Variants in CPAMD8 observed in about 807,000 individuals in gnomAD.
CPAMD8 encodes the protein C3 and PZP like alpha-2-macroglobulin domain containing 8, also known as C3 and PZP-like alpha-2-macroglobulin domain-containing protein 8.
In CPAMD8, 146 loss-of-function variants were observed where a neutral mutation model predicts 224.7. The ratio of observed to expected loss-of-function variants is 0.65; its 90% CI spans 0.57 to 0.75. The LOEUF is 0.75. Ranked by LOEUF, CPAMD8 falls within the 30% of genes least tolerant of loss-of-function variation. The pLI is 0.00. For synonymous variants in CPAMD8, 966 were observed against 1,044.6 expected, an observed-to-expected ratio of 0.92 and a Z score of 1.45; for missense variants, 2,301 against 2,537.5, an observed-to-expected ratio of 0.91 and a Z score of 2.00.
At chr19:16,965,689 C>T (rs1272170641) in intron 18 of CPAMD8, among the ~76,000 whole-genome samples, 1 of 152,080 alleles carries the variant, frequency 6.6e-6, no homozygotes, top group African/African-American at 2.4e-5. Flanking sequence ...AAATCCTATA[C>T]ACCAATTAAC....
intron 20 of CPAMD8, among the ~76,000 whole-genome samples, chr19:16,947,456 C>T (rs574091211): frequency 1.3e-5 from 2 of 152,196 alleles, no homozygotes; most frequent in African/African-American, 4.8e-5. Context: ...TGCTGTGAGA[C>T]CTCTCCTCCC....
Position 16,945,455 on chromosome 19 carries a change from C to T in CPAMD8, c.2793+94G>A, listed in dbSNP as rs1183529509. The T allele has an allele frequency of 9.9e-6, 15 of 1,513,132 alleles. No individual in the cohort carries two copies. In the East Asian group the frequency reaches 3.2e-4, roughly 33 times the overall value. The allele number at this position is 1,513,132 out of a possible 1,614,324, so 93.7% of individuals were successfully genotyped here. The stretch of plus-strand genomic sequence containing the variant: ...CCCGTGAAGGCTGCCCAGGCCCTGG[C>T]TCAGCCTCAGACCACACACTCCAGC... On this transcript the variant is annotated intron_variant, in intron 22 of 41. Transcript: ENST00000443236.
intron 23 of CPAMD8, among the ~76,000 whole-genome samples, chr19:16,937,852 C>T (rs988339471): frequency 1.3e-5 from 2 of 152,148 alleles, no homozygotes; most frequent in African/African-American, 4.8e-5. Flanking sequence ...TGGGGTTTCA[C>T]CATGTTGGTC....
chr19:17,023,110 C>G (rs1246584311), intron 1 of CPAMD8, among the ~76,000 whole-genome samples: 3 of 152,060 alleles, frequency 2.0e-5, no homozygotes, highest in Non-Finnish European at 4.4e-5. Context: ...ACCATAGGGC[C>G]TCAAACAAAA....
chr19:16,896,803 G>C, intron 39 of CPAMD8, 138 bp from the exon 40 acceptor site: 1 of 501,440 alleles, frequency 2.0e-6, no homozygotes, highest in East Asian at 3.5e-5. Context: ...GACAGTTAAT[G>C]GGAGGTCCTG....
intron 27 of CPAMD8, 45 bp from the exon 28 acceptor site, chr19:16,914,858 GC>G (rs1205715394): frequency 7.0e-7 from 1 of 1,424,180 alleles, no homozygotes. Flanking sequence ...AGAATGGTCA[GC>G]CCCCACATGC....
intron 20 of CPAMD8, among the ~76,000 whole-genome samples, chr19:16,947,703 T>A: frequency 4.9e-5 from 1 of 20,314 alleles, no homozygotes; most frequent in East Asian, 1.6e-3. Flanking sequence ...ATGTGTGTGC[T>A]GTGAATGCAT....
chr19:16,948,447 C>T (rs1436074554), intron 20 of CPAMD8, among the ~76,000 whole-genome samples: 1 of 152,100 alleles, frequency 6.6e-6, no homozygotes, highest in African/African-American at 2.4e-5. Flanking sequence ...GTAGCATTTT[C>T]CCAGGAAGAA....
At chr19:16,954,804 GA>G (rs1282251202) in intron 19 of CPAMD8, among the ~76,000 whole-genome samples, 3 of 152,158 alleles carry the variant, frequency 2.0e-5, no homozygotes, top group African/African-American at 7.2e-5. Flanking sequence ...TCAACATGGT[GA>G]AACCCCATCT....
intron 41 of CPAMD8, chr19:16,895,875 T>A: frequency 1.8e-6 from 1 of 542,970 alleles, no homozygotes; most frequent in Non-Finnish European, 3.5e-6. Context: ...AAGGGATCCT[T>A]GACCCGTATG....
chr19:16,944,961 A>G (rs1272411004), intron 22 of CPAMD8, among the ~76,000 whole-genome samples: 1 of 152,184 alleles, frequency 6.6e-6, no homozygotes, highest in East Asian at 1.9e-4. Flanking sequence ...AAGATGAGGC[A>G]TGGTGGCTGC....
At position 16,903,872 on chromosome 19, in the gene CPAMD8, G is replaced by A. The variant is rs201393101; in HGVS notation, c.4252-15C>T. On this transcript the variant is annotated splice_polypyrimidine_tract_variant and intron_variant, in intron 32 of 41. Transcript: ENST00000443236. Reference sequence around the variant, plus strand: ...ACGCAGGTGTCCTGGGGATGGAGGAGGAGACGGCCATCAACCCTGAGACTG... The same window carrying A: ...ACGCAGGTGTCCTGGGGATGGAGGAAGAGACGGCCATCAACCCTGAGACTG... 6.2e-7 allele frequency: 1 copy of A among 1,611,492 alleles called. No individual in the cohort carries two copies. Among genetic ancestry groups the A allele is most frequent in the African/African-American group, 1.3e-5 (1 of 75,044 alleles).
chr19:17,016,774 G>A (rs948234738), intron 3 of CPAMD8, among the ~76,000 whole-genome samples: 2 of 151,834 alleles, frequency 1.3e-5, no homozygotes, highest in African/African-American at 4.8e-5. Context: ...AAGAGAGAAA[G>A]AGAGAGAAAA....
intron 13 of CPAMD8, among the ~76,000 whole-genome samples, chr19:16,988,405 G>A (rs971944509): frequency 1.3e-5 from 2 of 152,164 alleles, no homozygotes; most frequent in East Asian, 3.9e-4. Context: ...GAGGTCAGAA[G>A]TTCAAGACCA....
chr19:17,004,159 G>A (rs970384170), intron 8 of CPAMD8, 114 bp downstream of exon 8: 8 of 631,616 alleles, frequency 1.3e-5, no homozygotes, highest in Non-Finnish European at 2.0e-5. Flanking sequence ...GCCCACCTGG[G>A]CCTCCGAAAG....
chr19:16,978,343 G>T (rs2055356126), intron 14 of CPAMD8, among the ~76,000 whole-genome samples: 1 of 152,152 alleles, frequency 6.6e-6, no homozygotes, highest in African/African-American at 2.4e-5. Context: ...GGACACAGTG[G>T]AACCACCACC....
chr19:16,966,874 CT>C (rs1365042078), intron 18 of CPAMD8, among the ~76,000 whole-genome samples: 3 of 152,134 alleles, frequency 2.0e-5, no homozygotes, highest in Non-Finnish European at 4.4e-5. Context: ...AATAGGAATG[CT>C]TTTACACTGT....
At chr19:17,008,347 C>T (rs1046414323) in intron 7 of CPAMD8, among the ~76,000 whole-genome samples, 158 bp downstream of exon 7, 2 of 152,210 alleles carry the variant, frequency 1.3e-5, no homozygotes, top group Non-Finnish European at 2.9e-5. Flanking sequence ...GGCATTGTCA[C>T]CTCCCAGGTG....
intron 7 of CPAMD8, among the ~76,000 whole-genome samples, chr19:17,008,065 A>T (rs2056542008): frequency 6.6e-6 from 1 of 152,232 alleles, no homozygotes; most frequent in Non-Finnish European, 1.5e-5. Flanking sequence ...GCTACTCGGT[A>T]GGCTGAGGCA....
Sources: gnomAD v4.1 joint callset for allele counts (sites outside exome capture counted in the v4.1 genomes callset) on GRCh38, gnomAD v4.1.1 for gene constraint, MANE v1.5 for transcripts, NCBI Gene and HGNC (gene_info 2026-07-23, HGNC 2026-07-21) for gene names.